The following CFAP299 variants were observed in gnomAD, a reference collection of about 807,000 sequenced individuals.
The protein encoded by CFAP299 is cilia- and flagella-associated protein 299.
Under a neutral mutation model 27.0 loss-of-function variants are expected in CFAP299, and 21 were observed. The ratio of observed to expected loss-of-function variants is 0.78; its 90% confidence interval spans 0.55 to 1.12. The LOEUF is 1.12. Ranked by LOEUF, CFAP299 falls within the 50% of genes most tolerant of loss-of-function variation. The probability of loss-of-function intolerance (pLI) is 0.00; values close to 1 mark genes in which losing one functional copy is unlikely to be tolerated. For missense variants in CFAP299, 310 were observed against 276.6 expected, an observed-to-expected ratio of 1.12 and a Z score of -0.86; for synonymous variants, 104 against 98.1, an observed-to-expected ratio of 1.06 and a Z score of -0.36.
At chr4:80,602,234 TCAACAGGTTC>T (rs1737393921) in intron 3 of CFAP299, among the ~76,000 whole-genome samples, 1 of 151,934 alleles carries the variant, frequency 6.6e-6, no homozygotes, top group South Asian at 2.1e-4. Context: ...AAAAAAAAAT[TCAACAGGTTC>T]CAAATAAATG....
At chr4:80,535,618 C>T (rs546621565) in intron 2 of CFAP299, among the ~76,000 whole-genome samples, 1 of 147,232 alleles carries the variant, frequency 6.8e-6, no homozygotes, top group East Asian at 2.1e-4. Flanking sequence ...AAGACATTAA[C>T]ATTAAAAGAG....
At chr4:80,510,671 G>A (rs1732251604) in intron 2 of CFAP299, among the ~76,000 whole-genome samples, 1 of 152,044 alleles carries the variant, frequency 6.6e-6, no homozygotes, top group South Asian at 2.1e-4. Context: ...GTTAGTACAG[G>A]GATCTTAAAA....
intron 3 of CFAP299, among the ~76,000 whole-genome samples, chr4:80,682,825 T>C (rs546959182): frequency 6.6e-6 from 1 of 152,256 alleles, no homozygotes; most frequent in African/African-American, 2.4e-5. Flanking sequence ...ATCCCACATA[T>C]TAAAACTTCT....
rs538019465 is a variant in CFAP299, at chr4:80,520,481, C to T, written c.243-62612C>T. Among the ~76,000 whole-genome samples, 9 of 152,268 alleles carry T rather than the reference C, an allele frequency of 5.9e-5. No individual in the cohort carries two copies. The East Asian group carries it at 1.7e-3, about 29-fold the overall frequency. On this transcript the variant is annotated intron_variant, in intron 2 of 5. Transcript: ENST00000358105. ...TTCTTTTTTCCTTAAAGTACTTCCCCTCACCTTCAACATGGAAATGTCAAA... is the reference window on the plus strand; with the variant it reads ...TTCTTTTTTCCTTAAAGTACTTCCCTTCACCTTCAACATGGAAATGTCAAA...
chr4:80,781,269 C>T (rs1192404630), intron 3 of CFAP299, among the ~76,000 whole-genome samples: 3 of 151,750 alleles, frequency 2.0e-5, no homozygotes, highest in Admixed American at 2.0e-4. Flanking sequence ...ATCCTTAAGA[C>T]CTTAAAGTTA....
rs561589126 is a variant in CFAP299, at chr4:80,884,012, T to A, written c.476+13877T>A. Among the ~76,000 whole-genome samples the A allele has an allele frequency of 6.6e-5, 10 of 152,292 alleles. 1 individual carries two copies. The South Asian group carries it at 2.1e-3, about 32-fold the overall frequency. On this transcript the variant is annotated intron_variant, in intron 4 of 5. Coordinates refer to ENST00000358105, the MANE Select transcript of CFAP299 (RefSeq NM_152770.3). ...AGTTATTTTTTCTGATCCTCTCCCT[T>A]TTCCCACCCTTCACCCTCCAGTATG...
At chr4:80,790,084 C>A (rs1727467795) in intron 3 of CFAP299, among the ~76,000 whole-genome samples, 1 of 151,922 alleles carries the variant, frequency 6.6e-6, no homozygotes, top group African/African-American at 2.4e-5. Context: ...ATGATAATTT[C>A]TATTACAGTT....
At chr4:80,572,771 C>T (rs1242033135) in intron 2 of CFAP299, among the ~76,000 whole-genome samples, 2 of 151,948 alleles carry the variant, frequency 1.3e-5, no homozygotes, top group South Asian at 2.1e-4. Flanking sequence ...CCCACCTGGG[C>T]CTCCCAAAGT....
At chr4:80,326,308 A>C in the CFAP299 span, among the ~76,000 whole-genome samples, 1 of 152,146 alleles carries the variant, frequency 6.6e-6, no homozygotes, top group Non-Finnish European at 1.5e-5. Flanking sequence ...TGGTCTGTTC[A>C]TGTCAAATCC....
At chr4:80,705,713 C>A (rs1030793091) in intron 3 of CFAP299, among the ~76,000 whole-genome samples, 9 of 151,778 alleles carry the variant, frequency 5.9e-5, no homozygotes, top group African/African-American at 1.9e-4. Context: ...TAGTTGTTGC[C>A]TGAATGCAAT....
intron 4 of CFAP299, among the ~76,000 whole-genome samples, chr4:80,887,468 G>C (rs1417577528): frequency 6.6e-6 from 1 of 152,004 alleles, no homozygotes; most frequent in Non-Finnish European, 1.5e-5. Flanking sequence ...CCCTTGAAGA[G>C]TATAGCTGGT....
At chr4:80,394,137 G>A (rs1443017110) in intron 2 of CFAP299, among the ~76,000 whole-genome samples, 1 of 152,142 alleles carries the variant, frequency 6.6e-6, no homozygotes, top group African/African-American at 2.4e-5. Flanking sequence ...GCATCTCCAG[G>A]CAAGTGGAAC....
chr4:80,540,404 G>A (rs942934154), intron 2 of CFAP299, among the ~76,000 whole-genome samples: 1 of 152,162 alleles, frequency 6.6e-6, no homozygotes, highest in Non-Finnish European at 1.5e-5. Context: ...ATTGTAAGCA[G>A]GTTCAGTAAA....
At chr4:80,916,245 A>T (rs1735744095) in intron 4 of CFAP299, among the ~76,000 whole-genome samples, 1 of 123,954 alleles carries the variant, frequency 8.1e-6, no homozygotes, top group South Asian at 2.7e-4. Flanking sequence ...CTGGGCAACT[A>T]GACTGAAATA....
intron 3 of CFAP299, among the ~76,000 whole-genome samples, chr4:80,796,188 G>A (rs1419620372): frequency 6.6e-6 from 1 of 152,146 alleles, no homozygotes; most frequent in African/African-American, 2.4e-5. Flanking sequence ...TTGCTTGTAG[G>A]AGGGGCCAAA....
At chr4:80,756,519 T>C (rs1725247792) in intron 3 of CFAP299, among the ~76,000 whole-genome samples, 1 of 152,072 alleles carries the variant, frequency 6.6e-6, no homozygotes, top group Non-Finnish European at 1.5e-5. Context: ...GGCTTTTGTA[T>C]AGACTACAAG....
At chr4:80,873,346 A>G (rs1180998182) in intron 4 of CFAP299, among the ~76,000 whole-genome samples, 1 of 152,190 alleles carries the variant, frequency 6.6e-6, no homozygotes, top group Non-Finnish European at 1.5e-5. Flanking sequence ...TGTGGAAAAT[A>G]TAAATGTCAA....
At chr4:80,365,088 T>C (rs566786628) in intron 2 of CFAP299, among the ~76,000 whole-genome samples, 17 of 152,340 alleles carry the variant, frequency 1.1e-4, no homozygotes, top group East Asian at 3.9e-4. Flanking sequence ...ATCTTTATAA[T>C]AGAATGATTT....
chr4:80,954,416 A>C lies in CFAP299; in HGVS notation c.607-9101A>C, dbSNP rs1045003847. Among the ~76,000 whole-genome samples the C allele has an allele frequency of 6.6e-5, 10 of 152,348 alleles. 1 individual carries two copies. The East Asian group carries it at 1.9e-3, about 29-fold the overall frequency. On this transcript the variant is annotated intron_variant, in intron 5 of 5. Coordinates refer to ENST00000358105, the MANE Select transcript of CFAP299 (RefSeq NM_152770.3). ...GTTGAATTTTATTAGAATATGGAAT[A>C]CAATAGCATGAATAGTGACCAAGAC...
Sources: gnomAD v4.1 joint callset for allele counts (sites outside exome capture counted in the v4.1 genomes callset) on GRCh38, gnomAD v4.1.1 for gene constraint, MANE v1.5 for transcripts, NCBI Gene and HGNC (gene_info 2026-07-23, HGNC 2026-07-21) for gene names.